Variants in RNGTT observed in about 807,000 individuals in gnomAD.
The protein encoded by RNGTT is RNA guanylyltransferase and 5'-phosphatase.
RNGTT carries 33 observed loss-of-function variants against 79.3 expected under a neutral mutation model. That is an observed-to-expected ratio of 0.42 (90% CI 0.32 to 0.56). RNGTT has a LOEUF of 0.56. Among genes scored for constraint, RNGTT ranks in the 20% least tolerant of loss-of-function variants. RNGTT has a pLI of 0.17. For synonymous variants in RNGTT, 222 were observed against 235.9 expected, an observed-to-expected ratio of 0.94 and a Z score of 0.54; for missense variants, 497 against 739.1, an observed-to-expected ratio of 0.67 and a Z score of 3.80.
chr6:88,680,315 GAGGT>G (rs1263803664), intron 13 of RNGTT, among the ~76,000 whole-genome samples: 1 of 152,166 alleles, frequency 6.6e-6, no homozygotes, highest in African/African-American at 2.4e-5. Flanking sequence ...TGATTGTTGT[GAGGT>G]AGTTGTGTGA....
chr6:88,753,600 C>T (rs1777911047), intron 13 of RNGTT, among the ~76,000 whole-genome samples: 1 of 151,662 alleles, frequency 6.6e-6, no homozygotes, highest in Non-Finnish European at 1.5e-5. Context: ...ATACCAATTC[C>T]AATTAAAATA....
chr6:88,657,687 C>T (rs773379303), intron 14 of RNGTT, among the ~76,000 whole-genome samples: 19 of 152,126 alleles, frequency 1.2e-4, no homozygotes, highest in East Asian at 7.8e-4. Flanking sequence ...TTCTGCTTCC[C>T]GCTCCATGAA....
intron 1 of RNGTT, 105 bp from the exon 2 acceptor site, chr6:88,941,285 T>C: frequency 1.4e-6 from 1 of 722,052 alleles, no homozygotes; most frequent in South Asian, 1.8e-5. Context: ...CCTTTTTTTT[T>C]GAGACCAAGT....
chr6:88,778,297 C>CA (rs993729300), intron 12 of RNGTT, among the ~76,000 whole-genome samples: 1 of 151,338 alleles, frequency 6.6e-6, no homozygotes, highest in African/African-American at 2.4e-5. Context: ...TAAATATGGG[C>CA]AAAAAAACAG....
intron 8 of RNGTT, among the ~76,000 whole-genome samples, chr6:88,872,801 G>A (rs1782398677): frequency 1.3e-5 from 2 of 152,114 alleles, no homozygotes; most frequent in Admixed American, 1.3e-4. Flanking sequence ...ACTGAAAAGT[G>A]CTGAGAAGCA....
At chr6:88,801,822 GACACACACAC>G (rs56124919) in intron 11 of RNGTT, among the ~76,000 whole-genome samples, 190 bp from the exon 12 acceptor site, 53 of 123,254 alleles carry the variant, frequency 4.3e-4, no homozygotes, top group Admixed American at 1.1e-3. Context: ...CACACACACA[GACACACACAC>G]ACACACACAC....
intron 4 of RNGTT, among the ~76,000 whole-genome samples, chr6:88,921,133 CT>C (rs1346700069): frequency 1.3e-5 from 2 of 152,002 alleles, no homozygotes; most frequent in African/African-American, 2.4e-5. Context: ...TTTTATAGTA[CT>C]TTCATTTATT....
chr6:88,678,248 G>A, intron 14 of RNGTT, 105 bp downstream of exon 14: 4 of 1,470,408 alleles, frequency 2.7e-6, no homozygotes, highest in Non-Finnish European at 3.6e-6. Flanking sequence ...CTCCCAAAGT[G>A]CTGGAACACG....
chr6:88,920,028 G>T (rs1381392522), intron 4 of RNGTT, among the ~76,000 whole-genome samples: 1 of 152,058 alleles, frequency 6.6e-6, no homozygotes, highest in Non-Finnish European at 1.5e-5. Context: ...GCCCCCCAGG[G>T]GACATTTTGT....
chr6:88,908,074 T>A (rs1473869145), intron 4 of RNGTT, among the ~76,000 whole-genome samples: 1 of 152,176 alleles, frequency 6.6e-6, no homozygotes, highest in Non-Finnish European at 1.5e-5. Flanking sequence ...TATTCTTCTC[T>A]GTATATATAG....
rs2127966818 is a variant in RNGTT at position 88,957,771 on chromosome 6, G to A, written c.64+5575C>T. ...GAAACACATCCCATGCTCATAGATGGGTATAATCAATACTATGAAAATGAT... is the reference window on the plus strand; with the variant it reads ...GAAACACATCCCATGCTCATAGATGAGTATAATCAATACTATGAAAATGAT... On this transcript the variant is annotated intron_variant, in intron 1 of 15. Coordinates refer to ENST00000369485, the MANE Select transcript of RNGTT (RefSeq NM_003800.5). Among the ~76,000 whole-genome samples, 3 of 152,044 alleles carry A rather than the reference G, an allele frequency of 2.0e-5. No individual in the cohort carries two copies. The South Asian group carries it at 6.3e-4, about 32-fold the overall frequency.
intron 11 of RNGTT, among the ~76,000 whole-genome samples, chr6:88,825,756 T>G (rs1780635911): frequency 6.6e-6 from 1 of 152,242 alleles, no homozygotes; most frequent in African/African-American, 2.4e-5. Context: ...CAGCTATCAC[T>G]AATATACAAA....
rs1321395011 is a variant in RNGTT at position 88,890,658 on chromosome 6, A to C, written c.795-62T>G. ...ATCCATACAAAGCAATACATGTCTT[A>C]AACCAATCTCAAATGAATCACACAT... On this transcript the variant is annotated intron_variant, in intron 7 of 15. Coordinates refer to ENST00000369485, the MANE Select transcript of RNGTT (RefSeq NM_003800.5). 2.9e-6 allele frequency: 3 copies of C among 1,051,874 alleles called. No homozygotes were observed. In the African/African-American group the frequency reaches 4.8e-5, roughly 17 times the overall value. The allele number at this position is 1,051,874 out of a possible 1,614,324, so 65.2% of individuals were successfully genotyped here.
At chr6:88,755,888 A>G (rs1302246065) in intron 13 of RNGTT, among the ~76,000 whole-genome samples, 1 of 139,384 alleles carries the variant, frequency 7.2e-6, no homozygotes, top group Non-Finnish European at 1.5e-5. Flanking sequence ...TGAACCTGGG[A>G]GGCAGAGGGT....
In RNGTT at chr6:88,927,924, G is replaced by C. The variant is rs990166736; in HGVS notation, c.367+1061C>G. Among the ~76,000 whole-genome samples the C allele has an allele frequency of 2.0e-5, 3 of 152,028 alleles. No homozygotes were observed. The East Asian group carries it at 5.8e-4, about 29-fold the overall frequency. On this transcript the variant is annotated intron_variant, in intron 4 of 15. Coordinates refer to ENST00000369485, the MANE Select transcript of RNGTT (RefSeq NM_003800.5). ...CAGAAATAACAGAAAAGCAAAGTTG[G>C]CCAGGCACAGTGGCTCATGCCTGTA... is the stretch of plus-strand genomic sequence containing the variant.
At chr6:88,822,830 G>C (rs1325344094) in intron 11 of RNGTT, among the ~76,000 whole-genome samples, 1 of 152,080 alleles carries the variant, frequency 6.6e-6, no homozygotes, top group African/African-American at 2.4e-5. Flanking sequence ...TTTTGACAAA[G>C]GTGTCCAGGA....
At chr6:88,698,597 ATTTAT>A (rs1429080045) in intron 13 of RNGTT, among the ~76,000 whole-genome samples, 3 of 151,826 alleles carry the variant, frequency 2.0e-5, no homozygotes, top group Non-Finnish European at 4.4e-5. Context: ...AGCTATTACA[ATTTAT>A]TTTATCTTTT....
chr6:88,904,793 C>T lies in RNGTT; in HGVS notation c.606G>A (p.Glu202=), dbSNP rs759709591. Residue 202 remains glutamate (E), a synonymous_variant, in exon 6 of 16, where the codon GAG becomes GAA. Transcript: ENST00000369485. ...WCFEDDEDED[E]DEDGKKESEP... is the part of the protein sequence containing the mutation. ...CTGATTCCTTCTTTCCATCCTCATCCTCATCTTCGTCTTCATCATCCTCAA... is the reference window on the plus strand; with the variant it reads ...CTGATTCCTTCTTTCCATCCTCATCTTCATCTTCGTCTTCATCATCCTCAA... 5.6e-6 allele frequency: 9 copies of T among 1,614,060 alleles called. No homozygotes were observed. The highest frequency in any genetic ancestry group is 4.4e-5 in the South Asian group (4 of 91,074).
At chr6:88,851,383 CTT>C (rs1781667527) in intron 9 of RNGTT, among the ~76,000 whole-genome samples, 2 of 151,896 alleles carry the variant, frequency 1.3e-5, no homozygotes, top group African/African-American at 4.8e-5. Context: ...AATGTCATCT[CTT>C]GATTGTTTAT....
Sources: allele counts gnomAD v4.1 joint callset (sites outside exome capture counted in the v4.1 genomes callset), GRCh38; gene constraint gnomAD v4.1.1; transcripts MANE v1.5; gene names NCBI Gene and HGNC (gene_info 2026-07-23, HGNC 2026-07-21).